RFTN1: variants seen among roughly 807,000 people sequenced by gnomAD.
The protein encoded by RFTN1 is raftlin.
RFTN1 carries 26 observed loss-of-function variants against 46.5 expected under a neutral mutation model. The ratio of observed to expected loss-of-function variants is 0.56; its 90% confidence interval spans 0.41 to 0.78. RFTN1 has a LOEUF of 0.78. Among genes scored for constraint, RFTN1 ranks in the 30% least tolerant of loss-of-function variants. The probability of loss-of-function intolerance (pLI) is 0.00; values close to 1 mark genes in which losing one functional copy is unlikely to be tolerated. For synonymous variants in RFTN1, 261 were observed against 284.2 expected (o/e 0.92, Z 0.82); for missense variants, 693 against 718.7 (o/e 0.96, Z 0.41).
In RFTN1 at chr3:16,433,963, G is replaced by T; in HGVS notation, c.220C>A (p.Gln74Lys). 1 of 1,614,060 alleles carries T rather than the reference G, an allele frequency of 6.2e-7. No individual in the cohort carries two copies. The highest frequency in any genetic ancestry group is 8.5e-7 in the Non-Finnish European group (1 of 1,180,016). Reference sequence around the variant, plus strand: ...AGGGCCGCCAGCGAGAAGCCCTGCTGGTACAGCTCCAGGAGCTGGGCGGGC... The same window carrying T: ...AGGGCCGCCAGCGAGAAGCCCTGCTTGTACAGCTCCAGGAGCTGGGCGGGC... ...DLPAQLLELY[Q>K]QGFSLAALHP... is the part of the protein sequence containing the mutation. The change falls in exon 3 of 10, where the codon CAG (glutamine) becomes AAG (lysine). Residue 74 changes from glutamine (Q) to lysine (K), a missense_variant. Transcript: ENST00000334133. This position sits in a 1 kb window ranked among gnomAD's most constrained non-coding sequence, Gnocchi z 4.4.
intron 4 of RFTN1, among the ~76,000 whole-genome samples, chr3:16,397,408 C>T (rs73041492): frequency 0.035 from 5,323 of 152,222 alleles, 134 homozygotes; most frequent in Middle Eastern, 0.082. Flanking sequence ...ATGAATAAGT[C>T]TGGAGATCTA....
chr3:16,497,241 GT>G (rs2076639832), intron 1 of RFTN1, among the ~76,000 whole-genome samples: 1 of 152,176 alleles, frequency 6.6e-6, no homozygotes, highest in Non-Finnish European at 1.5e-5. Flanking sequence ...AAACAAATCT[GT>G]GACCTTACAA....
intron 3 of RFTN1, among the ~76,000 whole-genome samples, chr3:16,415,432 C>CAT (rs2075059269): frequency 1.0e-5 from 1 of 96,100 alleles, no homozygotes; most frequent in African/African-American, 3.2e-5. Context: ...TATATATATA[C>CAT]ACACACACAC....
At chr3:16,358,073 TG>T (rs113108751) in intron 6 of RFTN1, 26 bp from the exon 7 acceptor site, 64,907 of 384,412 alleles carry the variant, frequency 0.17, 4,477 homozygotes, top group Non-Finnish European at 0.23. Flanking sequence ...AAGGCGGGGG[TG>T]GGGGGGGTCT....
At position 16,380,985 on chromosome 3, in the gene RFTN1, C is replaced by A. The variant is rs2073972577; in HGVS notation, c.442-2883G>T. ...CCAACAAATAGTTAATAAGCCCCTA[C>A]ACTGGTCCAGGCCAACACGGTGCTT... On this transcript the variant is annotated intron_variant, in intron 4 of 9. Transcript: ENST00000334133. This position sits in a 1 kb window ranked among gnomAD's most constrained non-coding sequence, Gnocchi z 4.8. Among the ~76,000 whole-genome samples the A allele has an allele frequency of 6.6e-6, 1 of 152,208 alleles. No individual in the cohort carries two copies.
chr3:16,411,582 A>T lies in RFTN1; in HGVS notation c.333-2099T>A, dbSNP rs191788595. ...TGAACCCTAACCTTTTTGCCTTAAT[A>T]CTTGGTCAGAGACTAGACTCATGTT... On this transcript the variant is annotated intron_variant, in intron 3 of 9. Transcript: ENST00000334133. 2.2e-3 allele frequency among the ~76,000 whole-genome samples: 332 copies of T among 152,350 alleles called. 1 individual carries two copies. Among genetic ancestry groups the T allele is most frequent in the Middle Eastern group, 6.8e-3 (2 of 294 alleles).
intron 3 of RFTN1, 26 bp from the exon 4 acceptor site, chr3:16,409,509 G>T: frequency 6.9e-7 from 1 of 1,442,574 alleles, no homozygotes; most frequent in South Asian, 1.1e-5. Flanking sequence ...AGCACACACA[G>T]AAACAGATTA....
In RFTN1 at chr3:16,451,929, C is replaced by T. The variant is rs1286210704; in HGVS notation, c.146-17892G>A. Among the ~76,000 whole-genome samples the T allele has an allele frequency of 6.6e-6, 1 of 152,140 alleles. No individual in the cohort carries two copies. The highest frequency in any genetic ancestry group is 6.5e-5 in the Admixed American group (1 of 15,268). ...TTGAGTAAAATAAGGGTGACTTGAACACAAGCAGTTCTATCCCAAGACAGT... is the reference window on the plus strand; with the variant it reads ...TTGAGTAAAATAAGGGTGACTTGAATACAAGCAGTTCTATCCCAAGACAGT... On this transcript the variant is annotated intron_variant, in intron 2 of 9. Coordinates refer to ENST00000334133, the MANE Select transcript of RFTN1 (RefSeq NM_015150.2). The surrounding 1 kb of genome is among the most constrained non-coding windows in gnomAD (Gnocchi z 4.2).
chr3:16,375,311 A>G (rs757950845), intron 5 of RFTN1, among the ~76,000 whole-genome samples: 5 of 152,078 alleles, frequency 3.3e-5, no homozygotes, highest in Non-Finnish European at 7.4e-5. Flanking sequence ...CAATAAGGAC[A>G]GGGTCCCTGG....
chr3:16,445,074 T>C (rs1164947319), intron 2 of RFTN1, among the ~76,000 whole-genome samples: 1 of 152,218 alleles, frequency 6.6e-6, no homozygotes, highest in African/African-American at 2.4e-5. Flanking sequence ...CTGTTTCATA[T>C]ACAGTTGCAG....
intron 1 of RFTN1, among the ~76,000 whole-genome samples, chr3:16,502,396 AAAAG>A (rs1553605229): frequency 1.3e-5 from 2 of 151,828 alleles, no homozygotes; most frequent in Admixed American, 1.3e-4. Context: ...AAAAAAAAAA[AAAAG>A]AAAGAAAGAA....
In RFTN1 at chr3:16,429,979, T is replaced by C. The variant is rs562266497; in HGVS notation, c.332+3872A>G. 6.6e-6 allele frequency among the ~76,000 whole-genome samples: 1 copy of C among 152,384 alleles called. No individual in the cohort carries two copies. Among genetic ancestry groups the C allele is most frequent in the South Asian group, 2.1e-4 (1 of 4,828 alleles). On this transcript the variant is annotated intron_variant, in intron 3 of 9. Transcript: ENST00000334133. This position sits in a 1 kb window ranked among gnomAD's most constrained non-coding sequence, Gnocchi z 6.4. ...CATTTCATTTAACAGCATCTATAAC[T>C]GTCAGAACTTTGGCAGACTTTGTGA...
intron 2 of RFTN1, among the ~76,000 whole-genome samples, chr3:16,461,799 C>T (rs925817900): frequency 1.3e-5 from 2 of 152,222 alleles, no homozygotes; most frequent in Non-Finnish European, 2.9e-5. Flanking sequence ...CCAGTACACA[C>T]ACCTTAAACC....
intron 3 of RFTN1, among the ~76,000 whole-genome samples, chr3:16,415,422 T>C (rs77157636): frequency 2.2e-5 from 2 of 91,760 alleles, no homozygotes; most frequent in Non-Finnish European, 5.6e-5. Flanking sequence ...TATATATATA[T>C]ATATATATAC....
In RFTN1 at chr3:16,370,458, G is replaced by A. The variant is rs1237115664; in HGVS notation, c.827-179C>T. On this transcript the variant is annotated intron_variant, in intron 5 of 9. Coordinates refer to ENST00000334133, the MANE Select transcript of RFTN1 (RefSeq NM_015150.2). The surrounding 1 kb of genome is among the most constrained non-coding windows in gnomAD (Gnocchi z 5.5). Reference sequence around the variant, plus strand: ...GCCTCATTCCAAGTAATAAGTTGAGGCTGGCTTAAAGTAACATGGACCTGA... The same window carrying A: ...GCCTCATTCCAAGTAATAAGTTGAGACTGGCTTAAAGTAACATGGACCTGA... Among the ~76,000 whole-genome samples the A allele has an allele frequency of 6.6e-6, 1 of 152,212 alleles. No homozygotes were observed. Among genetic ancestry groups the A allele is most frequent in the South Asian group, 2.1e-4 (1 of 4,832 alleles).
At position 16,513,594 on chromosome 3, in the gene RFTN1, CGTGT is replaced by C. The variant is rs1693772280; in HGVS notation, c.-165_-162del. On this transcript the variant is annotated 5_prime_UTR_variant, in exon 1 of 10. Transcript: ENST00000334133. The surrounding 1 kb of genome is among the most constrained non-coding windows in gnomAD (Gnocchi z 5.4). ...GGCGTGGGCGGTGGCGCCGCGTGGT[CGTGT>C]GTCTGTCCCTCCGGCGATCGGTGCG... The C allele has an allele frequency of 6.6e-6, 1 of 152,210 alleles. No individual in the cohort carries two copies. The highest frequency in any genetic ancestry group is 2.4e-5 in the African/African-American group (1 of 41,346). 9.4% of individuals were successfully genotyped at this position (152,210 alleles called of 1,614,324 possible). A position where few individuals can be genotyped will look rare whatever the true frequency, so the allele number is the denominator to read the frequency against.
Position 16,480,862 on chromosome 3 carries a change from C to T in RFTN1, c.145+12863G>A, listed in dbSNP as rs1243701114. Reference sequence around the variant, plus strand: ...TACCTCAAGGCTGCTTTTATGAATCCCTGCAGAAAAATAATTTGGTTTTGC... The same window carrying T: ...TACCTCAAGGCTGCTTTTATGAATCTCTGCAGAAAAATAATTTGGTTTTGC... On this transcript the variant is annotated intron_variant, in intron 2 of 9. Coordinates refer to ENST00000334133, the MANE Select transcript of RFTN1 (RefSeq NM_015150.2). This position sits in a 1 kb window ranked among gnomAD's most constrained non-coding sequence, Gnocchi z 4.3. Among the ~76,000 whole-genome samples the T allele has an allele frequency of 6.6e-6, 1 of 152,034 alleles. No individual in the cohort carries two copies. The highest frequency in any genetic ancestry group is 2.4e-5 in the African/African-American group (1 of 41,372).
At chr3:16,495,371 T>C (rs916711701) in intron 1 of RFTN1, among the ~76,000 whole-genome samples, 2 of 152,272 alleles carry the variant, frequency 1.3e-5, no homozygotes, top group Admixed American at 6.5e-5. Context: ...TGTGCACTGT[T>C]ACTCTCTGCA....
intron 4 of RFTN1, among the ~76,000 whole-genome samples, chr3:16,391,633 G>A (rs1575210217): frequency 6.6e-6 from 1 of 152,236 alleles, no homozygotes; most frequent in Non-Finnish European, 1.5e-5. Context: ...AGCAAACACT[G>A]CCATAGTGGA....
Sources: allele counts gnomAD v4.1 joint callset (sites outside exome capture counted in the v4.1 genomes callset), GRCh38; gene constraint gnomAD v4.1.1; non-coding constraint Gnocchi (gnomAD v3.1); transcripts MANE v1.5; gene names NCBI Gene and HGNC (gene_info 2026-07-23, HGNC 2026-07-21).